The following NSMCE2 variants were observed in gnomAD, a reference collection of about 807,000 sequenced individuals.
NSMCE2 encodes the protein NSE2 SUMO ligase component of SMC5/6 complex.
Under a neutral mutation model 23.8 loss-of-function variants are expected in NSMCE2, and 24 were observed. That is an observed-to-expected ratio of 1.01 (90% CI 0.73 to 1.42). The LOEUF is 1.42. Among genes scored for constraint, NSMCE2 ranks in the 40% most tolerant of loss-of-function variants. The pLI is 0.00. For missense variants in NSMCE2, 284 were observed against 296.5 expected, an observed-to-expected ratio of 0.96 and a Z score of 0.31; for synonymous variants, 92 against 94.1, an observed-to-expected ratio of 0.98 and a Z score of 0.13.
intron 5 of NSMCE2, among the ~76,000 whole-genome samples, chr8:125,317,551 C>G (rs954054763): frequency 6.6e-6 from 1 of 152,050 alleles, no homozygotes; most frequent in African/African-American, 2.4e-5. Flanking sequence ...GAAATTCTTC[C>G]CTACCAAATT....
chr8:125,171,368 T>G (rs569754769), intron 4 of NSMCE2, among the ~76,000 whole-genome samples: 1 of 152,330 alleles, frequency 6.6e-6, no homozygotes, highest in South Asian at 2.1e-4. Flanking sequence ...GTTAGTAGTA[T>G]GTCATGGACT....
chr8:125,118,090 C>T (rs1462502454), intron 3 of NSMCE2, among the ~76,000 whole-genome samples: 19 of 152,168 alleles, frequency 1.2e-4, no homozygotes, highest in Non-Finnish European at 1.3e-4. Context: ...AGGGTCACAA[C>T]TGTAATCTTA....
At chr8:125,226,115 A>T (rs1202307825) in intron 5 of NSMCE2, among the ~76,000 whole-genome samples, 16 of 152,190 alleles carry the variant, frequency 1.1e-4, no homozygotes, top group Non-Finnish European at 2.2e-4. Flanking sequence ...CCAGTGTCAG[A>T]CATTTTGTTT....
intron 5 of NSMCE2, among the ~76,000 whole-genome samples, chr8:125,257,082 G>A (rs1430331715): frequency 1.3e-5 from 2 of 151,480 alleles, no homozygotes; most frequent in Non-Finnish European, 2.9e-5. Context: ...TCAGGAGTTC[G>A]AGGCCAGGCT....
At chr8:125,333,541 G>A (rs1400038579) in intron 5 of NSMCE2, among the ~76,000 whole-genome samples, 1 of 74,776 alleles carries the variant, frequency 1.3e-5, no homozygotes, top group Non-Finnish European at 2.7e-5. Context: ...TTGAGACGGA[G>A]TCTCGCTCTG....
chr8:125,236,950 A>C (rs1259531673), intron 5 of NSMCE2, among the ~76,000 whole-genome samples: 2 of 152,194 alleles, frequency 1.3e-5, no homozygotes, highest in African/African-American at 4.8e-5. Flanking sequence ...AAACTGAATG[A>C]GTAAATGTAC....
chr8:125,253,481 T>C (rs551834320), intron 5 of NSMCE2, among the ~76,000 whole-genome samples: 1 of 152,348 alleles, frequency 6.6e-6, no homozygotes, highest in East Asian at 1.9e-4. Context: ...AGTTTTGTTT[T>C]TATGTTTGTT....
At chr8:125,335,941 G>T (rs1051530937) in intron 5 of NSMCE2, among the ~76,000 whole-genome samples, 3 of 152,222 alleles carry the variant, frequency 2.0e-5, no homozygotes, top group African/African-American at 7.2e-5. Flanking sequence ...TTTTGGATCT[G>T]TGTATATATG....
intron 5 of NSMCE2, among the ~76,000 whole-genome samples, chr8:125,272,014 C>CT (rs563967898): frequency 0.76 from 98,977 of 129,968 alleles, 38,307 homozygotes; most frequent in Non-Finnish European, 0.81. Context: ...CAGTTTCTTT[C>CT]TTTTTTTTTT....
At chr8:125,234,490 A>G (rs1035718799) in intron 5 of NSMCE2, among the ~76,000 whole-genome samples, 1 of 152,228 alleles carries the variant, frequency 6.6e-6, no homozygotes, top group Non-Finnish European at 1.5e-5. Context: ...AATACATTTC[A>G]TACAAGAATG....
At chr8:125,318,154 A>G (rs1378385545) in intron 5 of NSMCE2, among the ~76,000 whole-genome samples, 2 of 152,248 alleles carry the variant, frequency 1.3e-5, no homozygotes, top group Non-Finnish European at 2.9e-5. Flanking sequence ...CACGCCTGTA[A>G]TCCCAGCACT....
intron 3 of NSMCE2, among the ~76,000 whole-genome samples, chr8:125,108,558 C>T (rs1818581077): frequency 6.6e-6 from 1 of 152,174 alleles, no homozygotes; most frequent in African/African-American, 2.4e-5. Context: ...GATTAAAATG[C>T]CTGCTTCATA....
intron 5 of NSMCE2, among the ~76,000 whole-genome samples, chr8:125,325,414 G>A (rs1334156374): frequency 3.3e-5 from 5 of 152,126 alleles, no homozygotes; most frequent in African/African-American, 9.7e-5. Context: ...GCAGTGGCAC[G>A]ATCTCGGCTC....
At chr8:125,239,961 T>A (rs1398656762) in intron 5 of NSMCE2, among the ~76,000 whole-genome samples, 2 of 152,154 alleles carry the variant, frequency 1.3e-5, no homozygotes, top group African/African-American at 2.4e-5. Flanking sequence ...CCCTTCTTGC[T>A]CATTGCTGAG....
intron 5 of NSMCE2, among the ~76,000 whole-genome samples, chr8:125,278,780 T>G (rs1827574590): frequency 6.6e-6 from 1 of 151,720 alleles, no homozygotes; most frequent in Non-Finnish European, 1.5e-5. Flanking sequence ...CTTCCACCTG[T>G]TCAAAAATTG....
intron 4 of NSMCE2, among the ~76,000 whole-genome samples, chr8:125,152,960 G>T (rs1260170667): frequency 1.3e-5 from 2 of 149,596 alleles, no homozygotes; most frequent in Non-Finnish European, 2.9e-5. Flanking sequence ...AGGAGGCTGA[G>T]GCAGGAGAAC....
At position 125,311,392 on chromosome 8, in the gene NSMCE2, G is replaced by A. The variant is rs1461300113; in HGVS notation, c.419-45827G>A. Among the ~76,000 whole-genome samples, 11 of 152,108 alleles carry A rather than the reference G, an allele frequency of 7.2e-5. No individual in the cohort carries two copies. In the East Asian group the frequency reaches 2.1e-3, roughly 29 times the overall value. On this transcript the variant is annotated intron_variant, in intron 5 of 7. Transcript: ENST00000287437. ...TTCCTTTTCCCATAAAATCTCCAAA[G>A]AAGGAAATCTTATTTTTACCTTGGA...
chr8:125,239,654 T>C (rs1825689257), intron 5 of NSMCE2, among the ~76,000 whole-genome samples: 1 of 151,408 alleles, frequency 6.6e-6, no homozygotes, highest in South Asian at 2.1e-4. Flanking sequence ...TATTAAATGT[T>C]ATGTGCTGAT....
At chr8:125,308,527 A>G (rs1379205621) in intron 5 of NSMCE2, among the ~76,000 whole-genome samples, 2 of 152,062 alleles carry the variant, frequency 1.3e-5, no homozygotes, top group Non-Finnish European at 2.9e-5. Flanking sequence ...GTCCTTAGTC[A>G]CCTATTTTTG....
Sources: allele counts gnomAD v4.1 joint callset (sites outside exome capture counted in the v4.1 genomes callset), GRCh38; gene constraint gnomAD v4.1.1; transcripts MANE v1.5; gene names NCBI Gene and HGNC (gene_info 2026-07-23, HGNC 2026-07-21).